The following MYH8 variants were observed in gnomAD, a reference collection of about 807,000 sequenced individuals.
The protein encoded by MYH8 is myosin-8.
A neutral mutation model predicts 233.2 loss-of-function variants in MYH8; 168 were observed. The ratio of observed to expected loss-of-function variants is 0.72; its 90% confidence interval spans 0.64 to 0.82. MYH8 has a LOEUF of 0.82. MYH8 is among the 40% of genes least tolerant of loss of function. The probability of loss-of-function intolerance (pLI) is 0.00; values close to 1 mark genes in which losing one functional copy is unlikely to be tolerated. For missense variants in MYH8, 1,995 were observed against 2,327.8 expected (o/e 0.86, Z 2.94); for synonymous variants, 785 against 850.6 (o/e 0.92, Z 1.34).
At position 10,390,606 on chromosome 17, in the gene MYH8, A is replaced by C; in HGVS notation, c.5665-3T>G. 6.2e-7 allele frequency: 1 copy of C among 1,613,866 alleles called. No individual in the cohort carries two copies. Among genetic ancestry groups the C allele is most frequent in the Non-Finnish European group, 8.5e-7 (1 of 1,179,720 alleles). Reference sequence around the variant, plus strand: ...AGATTAGCATTGGATTGTTCCTCCTAAGAATAGAGATAAAATTGTGAGAAT... The same window carrying C: ...AGATTAGCATTGGATTGTTCCTCCTCAGAATAGAGATAAAATTGTGAGAAT... On this transcript the variant is annotated splice_polypyrimidine_tract_variant and splice_region_variant and intron_variant, in intron 39 of 39. Coordinates refer to ENST00000403437, the MANE Select transcript of MYH8 (RefSeq NM_002472.3).
rs2072302253 is a variant in MYH8 at position 10,417,877 on chromosome 17, C to A, written c.511+768G>T. Among the ~76,000 whole-genome samples the A allele has an allele frequency of 6.6e-6, 1 of 151,988 alleles. No individual in the cohort carries two copies. The highest frequency in any genetic ancestry group is 1.5e-5 in the Non-Finnish European group (1 of 67,982). On this transcript the variant is annotated intron_variant, in intron 5 of 39. Transcript: ENST00000403437. This position sits in a 1 kb window ranked among gnomAD's most constrained non-coding sequence, Gnocchi z 4.1. ...TTAAAAACAAGTGCAAAAAAACAAA[C>A]CAAAAAGAAAGAAAAAACACCTTAG...
In MYH8 at chr17:10,398,627, A is replaced by C; in HGVS notation, c.3995T>G (p.Leu1332Arg). The C allele has an allele frequency of 6.2e-7, 1 of 1,614,180 alleles. No homozygotes were observed. Among genetic ancestry groups the C allele is most frequent in the East Asian group, 2.2e-5 (1 of 44,878 alleles). The change falls in exon 30 of 40, where the codon CTG becomes CGG. Residue 1332 changes from leucine (L) to arginine (R), a missense_variant. By Grantham distance (102) the Leu-to-Arg change is moderately radical. Around this residue, in one of 3 missense-constraint regions of MYH8, gnomAD observed 1,498 missense variants for 1,680.9 expected, o/e 0.89. Coordinates refer to ENST00000403437, the MANE Select transcript of MYH8 (RefSeq NM_002472.3). ...GCGGGAGGACTGCAGGGCGTGTGCC[A>C]GGGCGTTCTTGGCCTGCAGAAGTAG... Reference protein sequence around the residue: ...LEEETKAKNALAHALQSSRHD... With the variant: ...LEEETKAKNARAHALQSSRHD...
At chr17:10,407,105 C>G (rs897305415) in intron 17 of MYH8, 126 bp from the exon 18 acceptor site, 4 of 779,648 alleles carry the variant, frequency 5.1e-6, no homozygotes, top group Non-Finnish European at 8.8e-6. Context: ...TTCAATTGCT[C>G]TGTATTTTGA....
intron 39 of MYH8, 35 bp from the exon 40 acceptor site, chr17:10,390,638 G>A (rs1182220858): frequency 6.2e-7 from 1 of 1,608,310 alleles, no homozygotes; most frequent in East Asian, 2.2e-5. Context: ...GAATTAGACT[G>A]TGTGGTTCTC....
rs1206798646 is a variant in MYH8 at position 10,419,657 on chromosome 17, AACTTCATGTTTTTGG to A, written c.210+346_210+360del. The stretch of plus-strand genomic sequence containing the variant: ...TATTTTTTTCTTTCATTCATTAAGA[AACTTCATGTTTTTGG>A]AAGTAATGGGGATATTAATACATTA... On this transcript the variant is annotated intron_variant, in intron 3 of 39. Transcript: ENST00000403437. The surrounding 1 kb of genome is among the most constrained non-coding windows in gnomAD (Gnocchi z 4.0). 6.6e-6 allele frequency among the ~76,000 whole-genome samples: 1 copy of A among 152,092 alleles called. No individual in the cohort carries two copies. The highest frequency in any genetic ancestry group is 2.4e-5 in the African/African-American group (1 of 41,418).
rs763806467 is a variant in MYH8, at chr17:10,415,728, C to G, written c.512-20G>C. 8 of 1,610,472 alleles carry G rather than the reference C, an allele frequency of 5.0e-6. No individual in the cohort carries two copies. The highest frequency in any genetic ancestry group is 6.8e-6 in the Non-Finnish European group (8 of 1,177,730). ...CTCGATCTGTGAAAGAATTCAAAAT[C>G]ATCCGTTAAAAAATGCATATTTAAT... On this transcript the variant is annotated intron_variant, in intron 5 of 39. Coordinates refer to ENST00000403437, the MANE Select transcript of MYH8 (RefSeq NM_002472.3). This position sits in a 1 kb window ranked among gnomAD's most constrained non-coding sequence, Gnocchi z 4.1.
chr17:10,390,710 T>C, intron 39 of MYH8, 107 bp from the exon 40 acceptor site: 1 of 1,270,264 alleles, frequency 7.9e-7, no homozygotes, highest in Non-Finnish European at 1.1e-6. Context: ...TTATGGTCTA[T>C]TTAGCATATC....
At chr17:10,408,608 T>C (rs565151176) in intron 17 of MYH8, among the ~76,000 whole-genome samples, 1 of 152,352 alleles carries the variant, frequency 6.6e-6, no homozygotes, top group South Asian at 2.1e-4. Context: ...CGTATCTTAA[T>C]GATCCATTTA....
rs1282969866 is a variant in MYH8 at position 10,390,596 on chromosome 17, T to C, written c.5672A>G (p.Gln1891Arg). The stretch of plus-strand genomic sequence containing the variant: ...GAATTTAGATAGATTAGCATTGGAT[T>C]GTTCCTCCTAAGAATAGAGATAAAA... ...YKRQAEEAEE[Q>R]SNANLSKFRK... The change falls in exon 40 of 40, where the codon CAA becomes CGA. Residue 1891 changes from glutamine to arginine, a missense_variant. This residue lies in a region of MYH8 where 1,498 missense variants were observed against 1,680.9 expected (regional missense o/e 0.89). Transcript: ENST00000403437. The C allele has an allele frequency of 6.2e-7, 1 of 1,614,112 alleles. No individual in the cohort carries two copies. The highest frequency in any genetic ancestry group is 8.5e-7 in the Non-Finnish European group (1 of 1,179,922).
intron 33 of MYH8, among the ~76,000 whole-genome samples, chr17:10,395,703 A>G (rs918157531): frequency 2.0e-5 from 3 of 152,074 alleles, no homozygotes; most frequent in Admixed American, 2.0e-4. Flanking sequence ...AAATTCATGT[A>G]TAGTAAATAT....
intron 21 of MYH8, 44 bp from the exon 22 acceptor site, chr17:10,404,629 C>A: frequency 6.2e-7 from 1 of 1,609,142 alleles, no homozygotes; most frequent in Non-Finnish European, 8.5e-7. Context: ...TCCATCAGAG[C>A]CAATGTTATT....
intron 34 of MYH8, among the ~76,000 whole-genome samples, chr17:10,394,893 G>A (rs1388365283): frequency 1.3e-5 from 2 of 152,142 alleles, no homozygotes; most frequent in East Asian, 3.8e-4. Context: ...AGGCCTGTCT[G>A]GTGCCCAAGT....
chr17:10,398,699 C>T, intron 29 of MYH8, 59 bp from the exon 30 acceptor site: 10 of 1,614,056 alleles, frequency 6.2e-6, no homozygotes, highest in Non-Finnish European at 8.5e-6. Flanking sequence ...TTAACTTACA[C>T]ATCCCAAGTA....
chr17:10,415,100 T>C lies in MYH8; in HGVS notation c.805+16A>G. ...CTTGTCTCTCTGTTTTGATTTTCAA[T>C]GGTCCTGTTACTCACATGTTTCTAT... On this transcript the variant is annotated intron_variant, in intron 9 of 39. Transcript: ENST00000403437. The surrounding 1 kb of genome is among the most constrained non-coding windows in gnomAD (Gnocchi z 4.1). 1 of 1,608,574 alleles carries C rather than the reference T, an allele frequency of 6.2e-7. No individual in the cohort carries two copies.
intron 39 of MYH8, 61 bp from the exon 40 acceptor site, chr17:10,390,664 A>G (rs2072012377): frequency 1.1e-5 from 17 of 1,563,858 alleles, no homozygotes; most frequent in Non-Finnish European, 1.4e-5. Context: ...ACTTATCACC[A>G]GACAGGATTA....
intron 35 of MYH8, 99 bp from the exon 36 acceptor site, chr17:10,393,309 C>A: frequency 7.0e-7 from 1 of 1,419,232 alleles, no homozygotes. Flanking sequence ...GATCTGCTGG[C>A]AACATTTCAC....
chr17:10,403,138 T>C (rs1373726017), intron 22 of MYH8, among the ~76,000 whole-genome samples: 1 of 152,188 alleles, frequency 6.6e-6, no homozygotes, highest in African/African-American at 2.4e-5. Flanking sequence ...GAATGAACAG[T>C]GATATGTTAT....
intron 34 of MYH8, 82 bp downstream of exon 34, chr17:10,395,049 AAG>A: frequency 6.8e-7 from 1 of 1,469,868 alleles, no homozygotes; most frequent in Non-Finnish European, 9.5e-7. Context: ...AAGAGAAAAA[AAG>A]GATCGTTTAA....
In MYH8 at chr17:10,419,137, A is replaced by G; in HGVS notation, c.211-107T>C. 2 of 1,294,572 alleles carry G rather than the reference A, an allele frequency of 1.5e-6. No homozygotes were observed. Among genetic ancestry groups the G allele is most frequent in the Non-Finnish European group, 2.2e-6 (2 of 910,348 alleles). 80.2% of individuals were successfully genotyped at this position (1,294,572 alleles called of 1,614,324 possible). A position where few individuals can be genotyped will look rare whatever the true frequency, so the allele number is the denominator to read the frequency against. ...CAGTGGCGCGATCTCAGCTCACTGC[A>G]ACCTCCGCCCTCCTGCTTCAAGTGA... On this transcript the variant is annotated intron_variant, in intron 3 of 39. Coordinates refer to ENST00000403437, the MANE Select transcript of MYH8 (RefSeq NM_002472.3). This position sits in a 1 kb window ranked among gnomAD's most constrained non-coding sequence, Gnocchi z 4.0.
Sources: gnomAD v4.1 joint callset for allele counts (sites outside exome capture counted in the v4.1 genomes callset) on GRCh38, gnomAD v4.1.1 for gene constraint, gnomAD v4.1.1 regional missense constraint, Gnocchi (gnomAD v3.1) non-coding constraint, MANE v1.5 for transcripts, NCBI Gene and HGNC (gene_info 2026-07-23, HGNC 2026-07-21) for gene names.